MAP3K13: variants seen among roughly 807,000 people sequenced by gnomAD.
MAP3K13 encodes mitogen-activated protein kinase kinase kinase 13, also known as leucine zipper-bearing kinase.
In MAP3K13, 52 loss-of-function variants were observed where a neutral mutation model predicts 104.0. The ratio of observed to expected loss-of-function variants is 0.50; its 90% confidence interval spans 0.40 to 0.63. The LOEUF (loss-of-function observed/expected upper bound fraction) is 0.63. Ranked by LOEUF, MAP3K13 falls within the 20% of genes least tolerant of loss-of-function variation. The pLI is 0.00. For synonymous variants in MAP3K13, 394 were observed against 442.2 expected, an observed-to-expected ratio of 0.89 and a Z score of 1.37; for missense variants, 914 against 1,218.5, an observed-to-expected ratio of 0.75 and a Z score of 3.72.
At chr3:185,440,260 T>C (rs751530544) in intron 3 of MAP3K13, among the ~76,000 whole-genome samples, 6 of 152,162 alleles carry the variant, frequency 3.9e-5, no homozygotes, top group Non-Finnish European at 8.8e-5. Flanking sequence ...CTAAGAAACC[T>C]TGTCATAGTA....
intron 2 of MAP3K13, among the ~76,000 whole-genome samples, chr3:185,301,516 C>A (rs1474569203): frequency 1.3e-5 from 2 of 152,152 alleles, no homozygotes; most frequent in Non-Finnish European, 2.9e-5. Flanking sequence ...ATGTCAATAT[C>A]CAAATAATAA....
chr3:185,360,717 G>A (rs1174995813), upstream of MAP3K13, among the ~76,000 whole-genome samples: 1 of 150,104 alleles, frequency 6.7e-6, no homozygotes, highest in Non-Finnish European at 1.5e-5. Flanking sequence ...TATAGACCCT[G>A]TTTTGTTGAA....
At chr3:185,312,889 C>T (rs1440734717) in intron 2 of MAP3K13, among the ~76,000 whole-genome samples, 1 of 152,016 alleles carries the variant, frequency 6.6e-6, no homozygotes, top group East Asian at 1.9e-4. Flanking sequence ...TCTAACAGTA[C>T]ATACGGACAT....
chr3:185,451,551 T>C (rs1715885290), intron 7 of MAP3K13, 156 bp downstream of exon 7: 2 of 564,672 alleles, frequency 3.5e-6, no homozygotes, highest in Non-Finnish European at 6.4e-6. Flanking sequence ...ACATATGACA[T>C]CTTAAGAGCT....
intron 1 of MAP3K13, among the ~76,000 whole-genome samples, chr3:185,383,296 TA>T (rs1200462446): frequency 6.6e-6 from 1 of 152,094 alleles, no homozygotes; most frequent in Non-Finnish European, 1.5e-5. Flanking sequence ...AAGTCTTTGC[TA>T]TTGTGAGTAA....
At chr3:185,440,562 A>T (rs1052198766) in intron 3 of MAP3K13, among the ~76,000 whole-genome samples, 3 of 152,230 alleles carry the variant, frequency 2.0e-5, no homozygotes, top group African/African-American at 7.2e-5. Context: ...ATTATTAAAA[A>T]TCAAGATAAG....
chr3:185,300,363 T>C (rs1293908885), intron 2 of MAP3K13, among the ~76,000 whole-genome samples: 3 of 152,028 alleles, frequency 2.0e-5, no homozygotes, highest in Non-Finnish European at 2.9e-5. Context: ...AGTTTTTGTA[T>C]TTTTAGTAGA....
At position 185,473,024 on chromosome 3, in the gene MAP3K13, A is replaced by G. The variant is rs1245771636; in HGVS notation, c.1693A>G (p.Thr565Ala). The change falls in exon 11 of 14, where the codon ACT becomes GCT. Residue 565 changes from threonine to alanine, a missense_variant. By Grantham distance (58) the Thr-to-Ala change is moderately conservative. Transcript: ENST00000265026. This position sits in a 1 kb window ranked among gnomAD's most constrained non-coding sequence, Gnocchi z 4.9. The part of the protein sequence containing the change: ...EGIPTTEVAP[T>A]ASPLSGSPKM... ...GATCCCCACCACAGAAGTGGCTCCC[A>G]CTGCATCCCCTTTGTCCGGAAGTCC... 8.1e-6 allele frequency: 13 copies of G among 1,614,018 alleles called. No individual in the cohort carries two copies. Among genetic ancestry groups the G allele is most frequent in the Non-Finnish European group, 1.1e-5 (13 of 1,180,026 alleles).
chr3:185,454,495 CA>C (rs1716179186), intron 7 of MAP3K13, among the ~76,000 whole-genome samples: 1 of 87,940 alleles, frequency 1.1e-5, no homozygotes, highest in Non-Finnish European at 2.0e-5. Context: ...GATATATATA[CA>C]TATATATGAG....
At chr3:185,287,087 G>A (rs1426431964) in intron 2 of MAP3K13, among the ~76,000 whole-genome samples, 3 of 152,052 alleles carry the variant, frequency 2.0e-5, no homozygotes, top group East Asian at 1.9e-4. Flanking sequence ...AAACCTTGAC[G>A]TTAGATTGTT....
intron 2 of MAP3K13, among the ~76,000 whole-genome samples, chr3:185,313,583 T>C (rs149010944): frequency 0.01 from 1,581 of 152,282 alleles, 16 homozygotes; most frequent in South Asian, 0.023. Context: ...GTACAATTTT[T>C]ATTTGGAGAG....
chr3:185,307,146 A>T lies in MAP3K13; in HGVS notation c.-86+21503A>T, dbSNP rs111378616. On this transcript the variant is annotated intron_variant, in intron 2 of 14. Transcript: ENST00000424227. ...TCTGGCTTTTGATAGTTCGGTTACA[A>T]TGTGTCTCTGTGGGCCTCTTTGGAT... Among the ~76,000 whole-genome samples the T allele has an allele frequency of 5.4e-3, 828 of 151,944 alleles. 13 individuals carry two copies. Among genetic ancestry groups the T allele is most frequent in the African/African-American group, 0.019 (774 of 41,428 alleles).
intron 1 of MAP3K13, among the ~76,000 whole-genome samples, chr3:185,392,055 C>T (rs375554421): frequency 6.6e-6 from 1 of 152,154 alleles, no homozygotes; most frequent in East Asian, 1.9e-4. Context: ...ATGACTTTTA[C>T]ATGCTATGCT....
Position 185,418,144 on chromosome 3 carries a change from T to C in MAP3K13, c.-85-10353T>C. The C allele has an allele frequency of 1.2e-6, 2 of 1,607,494 alleles. No individual in the cohort carries two copies. Among genetic ancestry groups the C allele is most frequent in the Non-Finnish European group, 1.7e-6 (2 of 1,175,716 alleles). On this transcript the variant is annotated intron_variant, in intron 1 of 13. Transcript: ENST00000265026. This position sits in a 1 kb window ranked among gnomAD's most constrained non-coding sequence, Gnocchi z 4.5. ...GGCCTTGATGATACCATTATCCTCATTATAGATGATGCACAGGCCCCTGCG... is the reference window on the plus strand; with the variant it reads ...GGCCTTGATGATACCATTATCCTCACTATAGATGATGCACAGGCCCCTGCG...
At chr3:185,451,195 GAAGTAAACAATCTT>G in intron 6 of MAP3K13, 78 bp from the exon 7 acceptor site, 1 of 849,734 alleles carries the variant, frequency 1.2e-6, no homozygotes, top group Non-Finnish European at 1.9e-6. Context: ...TAGCCATTTT[GAAGTAAACAATCTT>G]CTTCATAAAG....
rs1018576961 is a variant in MAP3K13 at position 185,315,181 on chromosome 3, C to T, written c.-86+29538C>T. ...AGGAGAATTGCTTGAACCTGGGAGG[C>T]GGAGGTTGCAGTGAGCTGAGATCGC... On this transcript the variant is annotated intron_variant, in intron 2 of 14. Coordinates refer to the MAP3K13 transcript ENST00000424227. The surrounding 1 kb of genome is among the most constrained non-coding windows in gnomAD (Gnocchi z 4.3). 4.0e-5 allele frequency among the ~76,000 whole-genome samples: 6 copies of T among 151,888 alleles called. No individual in the cohort carries two copies. Among genetic ancestry groups the T allele is most frequent in the African/African-American group, 1.2e-4 (5 of 41,350 alleles).
chr3:185,393,842 T>C (rs1712223015), intron 1 of MAP3K13, among the ~76,000 whole-genome samples: 1 of 152,192 alleles, frequency 6.6e-6, no homozygotes, highest in Non-Finnish European at 1.5e-5. Flanking sequence ...TTTTTTAACC[T>C]ATTTCCTTAG....
intron 1 of MAP3K13, among the ~76,000 whole-genome samples, chr3:185,284,015 CAGCCTCCCGAGTAGCTGGGATT>C (rs1178005005): frequency 6.6e-6 from 1 of 151,478 alleles, no homozygotes; most frequent in Non-Finnish European, 1.5e-5. Context: ...TCTCCTCCCT[CAGCCTCCCGAGTAGCTGGGATT>C]ACAGGCACGC....
chr3:185,374,670 A>G (rs554187294), intron 1 of MAP3K13, among the ~76,000 whole-genome samples: 1 of 152,184 alleles, frequency 6.6e-6, no homozygotes, highest in Admixed American at 6.5e-5. Flanking sequence ...TTTAGGCTCT[A>G]TCTTTGAGTT....
Sources: allele counts gnomAD v4.1 joint callset (sites outside exome capture counted in the v4.1 genomes callset), GRCh38; gene constraint gnomAD v4.1.1; non-coding constraint Gnocchi (gnomAD v3.1); transcripts MANE v1.5; gene names NCBI Gene and HGNC (gene_info 2026-07-23, HGNC 2026-07-21).